LRCH1: variants seen among roughly 807,000 people sequenced by gnomAD.
The protein encoded by LRCH1 is leucine rich repeats and calponin homology domain containing 1.
A neutral mutation model predicts 94.9 loss-of-function variants in LRCH1; 23 were observed. The ratio of observed to expected loss-of-function variants is 0.24; its 90% CI spans 0.17 to 0.34. LRCH1 has a LOEUF of 0.34. LRCH1 is among the 10% of genes least tolerant of loss of function. The probability of loss-of-function intolerance (pLI) is 1.00; values close to 1 mark genes in which losing one functional copy is unlikely to be tolerated. For synonymous variants in LRCH1, 364 were observed against 354.9 expected, an observed-to-expected ratio of 1.03 and a Z score of -0.29; for missense variants, 790 against 945.9, an observed-to-expected ratio of 0.84 and a Z score of 2.16.
chr13:46,569,050 G>A (rs2050214527), intron 1 of LRCH1, among the ~76,000 whole-genome samples: 1 of 151,798 alleles, frequency 6.6e-6, no homozygotes, highest in Admixed American at 6.6e-5. Context: ...CTGTTTTAGT[G>A]GACGTTCTTT....
At chr13:46,726,862 C>CAAAAAAA (rs71077918) in intron 17 of LRCH1, among the ~76,000 whole-genome samples, 2 of 78,014 alleles carry the variant, frequency 2.6e-5, no homozygotes, top group African/African-American at 5.4e-5. Context: ...AGAGCAGTGT[C>CAAAAAAA]AAAAAAAAAA....
chr13:46,666,243 C>T (rs1256131708), intron 2 of LRCH1, among the ~76,000 whole-genome samples: 1 of 152,128 alleles, frequency 6.6e-6, no homozygotes, highest in Non-Finnish European at 1.5e-5. Flanking sequence ...AAAAAGCATC[C>T]GTTCCCCTCA....
intron 15 of LRCH1, among the ~76,000 whole-genome samples, chr13:46,714,559 A>G (rs1044532202): frequency 6.6e-6 from 1 of 152,172 alleles, no homozygotes; most frequent in South Asian, 2.1e-4. Flanking sequence ...CAGACTGCTT[A>G]AATTAGCAAG....
At chr13:46,655,220 TTG>T (rs1448544670) in intron 2 of LRCH1, among the ~76,000 whole-genome samples, 1 of 152,210 alleles carries the variant, frequency 6.6e-6, no homozygotes, top group Non-Finnish European at 1.5e-5. Context: ...GGCTGATATG[TTG>T]TCTTTAAATG....
intron 1 of LRCH1, among the ~76,000 whole-genome samples, chr13:46,572,773 AT>A (rs1304883893): frequency 1.3e-5 from 2 of 151,844 alleles, no homozygotes; most frequent in African/African-American, 2.4e-5. Context: ...GAGGTGCTGC[AT>A]TTTTTTTCAT....
At chr13:46,725,883 C>G (rs1283969388) in intron 17 of LRCH1, among the ~76,000 whole-genome samples, 1 of 152,116 alleles carries the variant, frequency 6.6e-6, no homozygotes, top group East Asian at 1.9e-4. Flanking sequence ...AGCTATGCCC[C>G]TCAAGGAGTG....
chr13:46,564,747 T>C (rs2050164174), intron 1 of LRCH1, among the ~76,000 whole-genome samples: 1 of 152,236 alleles, frequency 6.6e-6, no homozygotes, highest in Non-Finnish European at 1.5e-5. Context: ...AGCAAGTTAG[T>C]GAACTTTTCT....
At position 46,586,805 on chromosome 13, in the gene LRCH1, C is replaced by T. The variant is rs374911244; in HGVS notation, c.307+33102C>T. 9.2e-5 allele frequency among the ~76,000 whole-genome samples: 14 copies of T among 152,308 alleles called. No homozygotes were observed. In the South Asian group the frequency reaches 1.9e-3, roughly 20 times the overall value. ...GAGGGGTAGGCGCCAGGATCAGGTCCTGGGATGTGTGGCTGTATTTTTCTG... is the reference window on the plus strand; with the variant it reads ...GAGGGGTAGGCGCCAGGATCAGGTCTTGGGATGTGTGGCTGTATTTTTCTG... On this transcript the variant is annotated intron_variant, in intron 1 of 19. Coordinates refer to ENST00000389797, the MANE Select transcript of LRCH1 (RefSeq NM_001164211.2).
intron 13 of LRCH1, among the ~76,000 whole-genome samples, chr13:46,706,750 T>C (rs1871781399): frequency 1.1e-5 from 1 of 89,908 alleles, no homozygotes; most frequent in African/African-American, 4.8e-5. Context: ...AATTTTAAAC[T>C]TATAAAAGTT....
At chr13:46,650,738 AAAAAG>A (rs1353814072) in intron 2 of LRCH1, among the ~76,000 whole-genome samples, 5 of 147,632 alleles carry the variant, frequency 3.4e-5, no homozygotes, top group South Asian at 2.2e-4. Flanking sequence ...AAAAAAAAAA[AAAAAG>A]AGAAAGCCTG....
chr13:46,750,530 T>C, intron 18 of LRCH1: 1 of 1,529,740 alleles, frequency 6.5e-7, no homozygotes, highest in South Asian at 1.2e-5. Context: ...TTTATTCTTT[T>C]TCCTTTTAGG....
chr13:46,750,855 T>C (rs1458551621), exon 19 of LRCH1: 2 of 428,234 alleles, frequency 4.7e-6, no homozygotes, highest in South Asian at 4.8e-5. Context: ...GGTATTTATC[T>C]TGAAACCAGA....
Position 46,730,424 on chromosome 13 carries a change from A to G in LRCH1, c.2007+1440A>G, listed in dbSNP as rs532769843. On this transcript the variant is annotated intron_variant, in intron 18 of 19. Transcript: ENST00000389797. ...CTCAGAGCCCAGTGTGTTGGACTGA[A>G]GCTCACGTGAAGCTCCTCCGCCCTC... Among the ~76,000 whole-genome samples, 61 of 152,282 alleles carry G rather than the reference A, an allele frequency of 4.0e-4. 2 individuals are homozygous for G. Among genetic ancestry groups the G allele is most frequent in the South Asian group, 2.5e-3 (12 of 4,824 alleles).
At chr13:46,674,601 A>G (rs1305854475) in intron 3 of LRCH1, among the ~76,000 whole-genome samples, 1 of 152,214 alleles carries the variant, frequency 6.6e-6, no homozygotes, top group Non-Finnish European at 1.5e-5. Context: ...CAGTATGGAT[A>G]TGTTGCTTTG....
chr13:46,714,307 T>G (rs1393398500), intron 15 of LRCH1, among the ~76,000 whole-genome samples: 3 of 152,204 alleles, frequency 2.0e-5, no homozygotes, highest in Non-Finnish European at 4.4e-5. Context: ...TGTGGGAACT[T>G]TAAAAACTTG....
intron 3 of LRCH1, among the ~76,000 whole-genome samples, chr13:46,673,326 T>C (rs1485813441): frequency 1.3e-5 from 2 of 152,196 alleles, no homozygotes; most frequent in East Asian, 3.8e-4. Context: ...ACTTATGAAG[T>C]TGGCAAAAAT....
At chr13:46,714,828 AATTG>A (rs1453183317) in intron 15 of LRCH1, among the ~76,000 whole-genome samples, 1 of 152,192 alleles carries the variant, frequency 6.6e-6, no homozygotes, top group Non-Finnish European at 1.5e-5. Flanking sequence ...AAGTTCTTGA[AATTG>A]ATTGATCTCT....
At chr13:46,676,990 G>A (rs2051683011) in intron 3 of LRCH1, among the ~76,000 whole-genome samples, 1 of 152,008 alleles carries the variant, frequency 6.6e-6, no homozygotes, top group South Asian at 2.1e-4. Flanking sequence ...ATGTTCTCTA[G>A]GCTGGTCTAA....
At chr13:46,562,496 G>A (rs2050140915) in intron 1 of LRCH1, among the ~76,000 whole-genome samples, 1 of 152,134 alleles carries the variant, frequency 6.6e-6, no homozygotes, top group South Asian at 2.1e-4. Context: ...CTTCTTATAA[G>A]GGTATCAGTG....
Sources: gnomAD v4.1 joint callset for allele counts (sites outside exome capture counted in the v4.1 genomes callset) on GRCh38, gnomAD v4.1.1 for gene constraint, MANE v1.5 for transcripts, NCBI Gene and HGNC (gene_info 2026-07-23, HGNC 2026-07-21) for gene names.